Variants in THSD7A observed in about 807,000 individuals in gnomAD.
The protein encoded by THSD7A is thrombospondin type 1 domain containing 7A.
A neutral mutation model predicts 231.3 loss-of-function variants in THSD7A; 96 were observed. The observed-to-expected ratio is 0.41, with a 90% CI of 0.35 to 0.49. THSD7A has a LOEUF of 0.49. Ranked by LOEUF, THSD7A falls within the 20% of genes least tolerant of loss-of-function variation. THSD7A has a pLI of 0.05. For missense variants in THSD7A, 2,290 were observed against 2,070.2 expected, an observed-to-expected ratio of 1.11 and a Z score of -2.06; for synonymous variants, 940 against 743.3, an observed-to-expected ratio of 1.26 and a Z score of -4.30.
intron 2 of THSD7A, among the ~76,000 whole-genome samples, chr7:11,620,807 T>C (rs185490403): frequency 1.5e-4 from 23 of 152,330 alleles, no homozygotes; most frequent in African/African-American, 5.5e-4. Flanking sequence ...TAGCCTGTTT[T>C]CATTCAATCT....
intron 5 of THSD7A, among the ~76,000 whole-genome samples, 182 bp downstream of exon 5, chr7:11,542,780 T>A (rs747221256): frequency 6.6e-6 from 1 of 152,232 alleles, no homozygotes; most frequent in Non-Finnish European, 1.5e-5. Flanking sequence ...TATGCCTATG[T>A]TCTTCTGTTT....
At chr7:11,389,830 T>C (rs1336935595) in intron 23 of THSD7A, among the ~76,000 whole-genome samples, 2 of 152,088 alleles carry the variant, frequency 1.3e-5, no homozygotes, top group Non-Finnish European at 2.9e-5. Context: ...TCTCTCAGCA[T>C]TTGCTTGTCT....
At chr7:11,430,964 A>C (rs1231255772) in intron 13 of THSD7A, among the ~76,000 whole-genome samples, 2 of 152,200 alleles carry the variant, frequency 1.3e-5, no homozygotes, top group African/African-American at 4.8e-5. Flanking sequence ...ATTTGTTTAC[A>C]AGCTTCTGTG....
intron 1 of THSD7A, among the ~76,000 whole-genome samples, chr7:11,639,431 A>C (rs1297918950): frequency 1.3e-5 from 2 of 152,160 alleles, no homozygotes; most frequent in Non-Finnish European, 2.9e-5. Flanking sequence ...GCACTTTGGG[A>C]GGCCGAGGCG....
At chr7:11,741,054 C>T (rs1311394197) in intron 1 of THSD7A, among the ~76,000 whole-genome samples, 5 of 151,846 alleles carry the variant, frequency 3.3e-5, no homozygotes, top group Non-Finnish European at 5.9e-5. Flanking sequence ...CAATATTTTG[C>T]TAGGTACCTG....
At chr7:11,821,185 T>C in intron 1 of THSD7A, 1 of 1,161,478 alleles carries the variant, frequency 8.6e-7, no homozygotes, top group South Asian at 1.2e-5. Context: ...GGACCCAAAG[T>C]GATGCTCTTT....
In THSD7A at chr7:11,583,167, AACT is replaced by A. The variant is rs543092845; in HGVS notation, c.1453+7290_1453+7292del. On this transcript the variant is annotated intron_variant, in intron 4 of 27. Transcript: ENST00000423059. Reference sequence around the variant, plus strand: ...CAGTGAATGTGTTTTTCAGTTCTAAAACTACTATTTTAAAAAATTGGTCTTTTT... The same window carrying A: ...CAGTGAATGTGTTTTTCAGTTCTAAAACTATTTTAAAAAATTGGTCTTTTT... 2.5e-3 allele frequency among the ~76,000 whole-genome samples: 375 copies of A among 152,106 alleles called. 2 individuals carry two copies. The highest frequency in any genetic ancestry group is 8.6e-3 in the African/African-American group (356 of 41,436).
At chr7:11,613,919 T>G (rs1781020305) in intron 2 of THSD7A, among the ~76,000 whole-genome samples, 1 of 152,208 alleles carries the variant, frequency 6.6e-6, no homozygotes, top group African/African-American at 2.4e-5. Context: ...TCCTATTGCT[T>G]CTGAATAGAG....
intron 8 of THSD7A, among the ~76,000 whole-genome samples, chr7:11,473,867 C>T (rs1405586520): frequency 6.6e-6 from 1 of 152,036 alleles, no homozygotes; most frequent in East Asian, 1.9e-4. Context: ...AGTAAGTATG[C>T]TTCGGTATTT....
At chr7:11,763,912 A>G (rs990868387) in intron 1 of THSD7A, among the ~76,000 whole-genome samples, 5 of 152,206 alleles carry the variant, frequency 3.3e-5, no homozygotes, top group Admixed American at 6.5e-5. Context: ...AAGTAAGACT[A>G]TGATTAGTAT....
intron 6 of THSD7A, among the ~76,000 whole-genome samples, chr7:11,509,682 C>T (rs1397874586): frequency 4.0e-5 from 6 of 151,100 alleles, no homozygotes; most frequent in Non-Finnish European, 5.9e-5. Flanking sequence ...ATTAGCCGGG[C>T]GCAGTGGCGG....
At chr7:11,564,843 TTC>T in intron 4 of THSD7A, among the ~76,000 whole-genome samples, 1 of 152,304 alleles carries the variant, frequency 6.6e-6, no homozygotes, top group African/African-American at 2.4e-5. Context: ...GTCAGATAAT[TTC>T]TCTCACTGAC....
chr7:11,667,038 T>C lies in THSD7A; in HGVS notation c.191-30077A>G, dbSNP rs117467848. Among the ~76,000 whole-genome samples the C allele has an allele frequency of 2.0e-5, 3 of 152,226 alleles. No homozygotes were observed. In the East Asian group the frequency reaches 5.8e-4, roughly 29 times the overall value. Reference sequence around the variant, plus strand: ...AGGTTTATTCACTGAACTTAAAACATCCTTAGCTTTGTTCACAAATTTTTT... The same window carrying C: ...AGGTTTATTCACTGAACTTAAAACACCCTTAGCTTTGTTCACAAATTTTTT... On this transcript the variant is annotated intron_variant, in intron 1 of 27. Coordinates refer to ENST00000423059, the MANE Select transcript of THSD7A (RefSeq NM_015204.3).
At chr7:11,693,591 T>G (rs930742243) in intron 1 of THSD7A, among the ~76,000 whole-genome samples, 1 of 151,512 alleles carries the variant, frequency 6.6e-6, no homozygotes, top group Non-Finnish European at 1.5e-5. Context: ...CCATCATGTT[T>G]TGTTACTATA....
At chr7:11,828,396 C>T (rs1366422781) in intron 1 of THSD7A, among the ~76,000 whole-genome samples, 5 of 152,146 alleles carry the variant, frequency 3.3e-5, no homozygotes, top group African/African-American at 1.2e-4. Flanking sequence ...CAGTCAAAAT[C>T]CACCTCATCC....
At chr7:11,507,806 T>C (rs942356420) in intron 6 of THSD7A, among the ~76,000 whole-genome samples, 1 of 152,194 alleles carries the variant, frequency 6.6e-6, no homozygotes, top group African/African-American at 2.4e-5. Context: ...GGGAAAAATA[T>C]TTTAAAACCA....
chr7:11,793,419 T>G (rs999868165), intron 1 of THSD7A, among the ~76,000 whole-genome samples: 1 of 151,726 alleles, frequency 6.6e-6, no homozygotes, highest in South Asian at 2.1e-4. Flanking sequence ...TCAGAATAAT[T>G]TTCTTAGAAA....
intron 2 of THSD7A, among the ~76,000 whole-genome samples, chr7:11,603,216 A>G (rs1780611224): frequency 6.6e-6 from 1 of 152,066 alleles, no homozygotes; most frequent in African/African-American, 2.4e-5. Flanking sequence ...AAGTGGGCGA[A>G]GGACATGAAC....
In THSD7A at chr7:11,444,335, A is replaced by G. The variant is rs1396627980; in HGVS notation, c.3064+1726T>C. On this transcript the variant is annotated intron_variant, in intron 13 of 27. Transcript: ENST00000423059. This position sits in a 1 kb window ranked among gnomAD's most constrained non-coding sequence, Gnocchi z 4.2. ...GAAGGATTATAAATCATTCTACTAT[A>G]AAGACACATGCACACGTATGTTTAC... 1.3e-5 allele frequency among the ~76,000 whole-genome samples: 2 copies of G among 152,160 alleles called. No homozygotes were observed. The highest frequency in any genetic ancestry group is 4.8e-5 in the African/African-American group (2 of 41,454).
Sources: gnomAD v4.1 joint callset for allele counts (sites outside exome capture counted in the v4.1 genomes callset) on GRCh38, gnomAD v4.1.1 for gene constraint, Gnocchi (gnomAD v3.1) non-coding constraint, MANE v1.5 for transcripts, NCBI Gene and HGNC (gene_info 2026-07-23, HGNC 2026-07-21) for gene names.